Variants in DSTYK observed in about 807,000 individuals in gnomAD.
DSTYK encodes RIP-homologous kinase.
A neutral mutation model predicts 98.7 loss-of-function variants in DSTYK; 34 were observed. The observed-to-expected ratio is 0.34, with a 90% CI of 0.26 to 0.46. DSTYK has a LOEUF of 0.46. Ranked by LOEUF, DSTYK falls within the 20% of genes least tolerant of loss-of-function variation. The pLI is 1.00. For synonymous variants in DSTYK, 462 were observed against 457.3 expected, an observed-to-expected ratio of 1.01 and a Z score of -0.13; for missense variants, 962 against 1,181.7, an observed-to-expected ratio of 0.81 and a Z score of 2.73.
chr1:205,169,999 G>A lies in DSTYK; in HGVS notation c.655-167C>T, dbSNP rs1481145469. The stretch of plus-strand genomic sequence containing the variant: ...TCCTCGGTTACCAACACTCCCTGGT[G>A]CAGCCTATGAAGGCAGGCACTCATC... On this transcript the variant is annotated intron_variant, in intron 2 of 12. Transcript: ENST00000367162. The surrounding 1 kb of genome is among the most constrained non-coding windows in gnomAD (Gnocchi z 4.0). 2.0e-5 allele frequency among the ~76,000 whole-genome samples: 3 copies of A among 152,162 alleles called. No individual in the cohort carries two copies. The highest frequency in any genetic ancestry group is 4.4e-5 in the Non-Finnish European group (3 of 68,036).
chr1:205,164,010 CTAAA>C, intron 3 of DSTYK, 55 bp from the exon 4 acceptor site: 1 of 1,456,616 alleles, frequency 6.9e-7, no homozygotes, highest in Non-Finnish European at 9.6e-7. Flanking sequence ...GGCAGACACA[CTAAA>C]TAAAGTCATC....
chr1:205,211,464 G>A lies in DSTYK; in HGVS notation c.72C>T (p.Ile24=), dbSNP rs749471977. ...GGCCGAAGCCCCGGCACAGCTCGCG[G>A]ATCATTCCGCCGCCGCCGGGGCCGG... The part of the protein sequence containing the change: ...SGPGPGGGGM[I]RELCRGFGRY... Residue 24 remains isoleucine, a synonymous_variant, in exon 1 of 13, where the codon ATC becomes ATT. Coordinates refer to ENST00000367162, the MANE Select transcript of DSTYK (RefSeq NM_015375.3). The A allele has an allele frequency of 2.5e-6, 4 of 1,592,788 alleles. No homozygotes were observed. The highest frequency in any genetic ancestry group is 3.4e-6 in the Non-Finnish European group (4 of 1,173,336).
chr1:205,149,253 T>C (rs1230932815), intron 11 of DSTYK, among the ~76,000 whole-genome samples: 1 of 152,054 alleles, frequency 6.6e-6, no homozygotes, highest in African/African-American at 2.4e-5. Flanking sequence ...GATGACTATC[T>C]ACTTGGTTCA....
At chr1:205,149,599 C>G (rs992902792) in intron 11 of DSTYK, among the ~76,000 whole-genome samples, 1 of 152,196 alleles carries the variant, frequency 6.6e-6, no homozygotes, top group African/African-American at 2.4e-5. Context: ...AGCACTAACA[C>G]CAGCTTAATC....
chr1:205,211,586 C>T lies in DSTYK; in HGVS notation c.-51G>A. 2 of 1,406,068 alleles carry T rather than the reference C, an allele frequency of 1.4e-6. No individual in the cohort carries two copies. The highest frequency in any genetic ancestry group is 1.8e-6 in the Non-Finnish European group (2 of 1,088,068). The allele number at this position is 1,406,068 out of a possible 1,614,324, so 87.1% of individuals were successfully genotyped here. A position where few individuals can be genotyped will look rare whatever the true frequency, so the allele number is the denominator to read the frequency against. ...GCTCGGTCCCCGGCCGCAGGCCCGGCCTCCCTCCTCCCCGCCCCCCAGTGC... is the reference window on the plus strand; with the variant it reads ...GCTCGGTCCCCGGCCGCAGGCCCGGTCTCCCTCCTCCCCGCCCCCCAGTGC... On this transcript the variant is annotated 5_prime_UTR_variant, in exon 1 of 13. Transcript: ENST00000367162.
rs549617235 is a variant in DSTYK at position 205,163,816 on chromosome 1, C to T, written c.1464G>A (p.Arg488=). The T allele has an allele frequency of 7.4e-6, 12 of 1,614,022 alleles. No homozygotes were observed. Among genetic ancestry groups the T allele is most frequent in the Middle Eastern group, 1.6e-4 (1 of 6,084 alleles). Residue 488 remains arginine, a synonymous_variant, in exon 4 of 13, where the codon AGG becomes AGA. Coordinates refer to ENST00000367162, the MANE Select transcript of DSTYK (RefSeq NM_015375.3). Reference sequence around the variant, plus strand: ...GTTCCAGGGTTCCGACGAAGCTTTCCCTCAGGTAATCCACTGAGCTGATCA... The same window carrying T: ...GTTCCAGGGTTCCGACGAAGCTTTCTCTCAGGTAATCCACTGAGCTGATCA... The part of the protein sequence containing the change: ...NKLISSVDYL[R]ESFVGTLERC...
In DSTYK at chr1:205,159,585, T is replaced by C; in HGVS notation, c.2200A>G (p.Met734Val). The C allele has an allele frequency of 1.2e-6, 2 of 1,612,574 alleles. No homozygotes were observed. The change falls in exon 9 of 13, where the codon ATG becomes GTG. Residue 734 changes from methionine (M) to valine (V), a missense_variant. By Grantham distance (21) the Met-to-Val change is conservative (BLOSUM62 1). This residue lies in a region of DSTYK where 660 missense variants were observed against 855.0 expected (regional missense o/e 0.77). Coordinates refer to ENST00000367162, the MANE Select transcript of DSTYK (RefSeq NM_015375.3). ...GGSSIAVLLIMERLHRDLYTG... is the reference protein window; with the variant it reads ...GGSSIAVLLIVERLHRDLYTG... ...TAGAGATCCCGGTGTAGCCGCTCCA[T>C]AATGAGGAGCACAGCAATGCTGGAG...
At chr1:205,164,335 A>G (rs554213744) in intron 3 of DSTYK, among the ~76,000 whole-genome samples, 1 of 152,054 alleles carries the variant, frequency 6.6e-6, no homozygotes, top group East Asian at 1.9e-4. Flanking sequence ...GAACCTAGGA[A>G]GTAGAGGCTA....
At chr1:205,159,509 T>C in intron 9 of DSTYK, 38 bp downstream of exon 9, 1 of 1,588,588 alleles carries the variant, frequency 6.3e-7, no homozygotes, top group Non-Finnish European at 8.6e-7. Flanking sequence ...AAGGAACCCG[T>C]GGATTTGGCT....
chr1:205,173,748 T>G (rs1658141325), intron 2 of DSTYK, among the ~76,000 whole-genome samples: 1 of 151,688 alleles, frequency 6.6e-6, no homozygotes, highest in Non-Finnish European at 1.5e-5. Context: ...AGATGAAGTC[T>G]CGCTCTGTCG....
At chr1:205,167,313 T>C (rs976769000) in intron 3 of DSTYK, among the ~76,000 whole-genome samples, 1 of 152,016 alleles carries the variant, frequency 6.6e-6, no homozygotes. Context: ...GGCAGGAGGA[T>C]TGCTTGAGCC....
intron 3 of DSTYK, among the ~76,000 whole-genome samples, chr1:205,164,567 T>C (rs1657831342): frequency 6.6e-6 from 1 of 151,458 alleles, no homozygotes; most frequent in Admixed American, 6.6e-5. Context: ...GTTCAAGCCA[T>C]TCTCCTGCCT....
intron 1 of DSTYK, chr1:205,202,361 T>C (rs1296015087): frequency 6.9e-6 from 5 of 723,228 alleles, no homozygotes; most frequent in African/African-American, 3.5e-5. Flanking sequence ...AGAAACAGCA[T>C]GTACCATTCC....
chr1:205,158,715 C>T (rs1019049264), intron 9 of DSTYK, among the ~76,000 whole-genome samples: 5 of 152,186 alleles, frequency 3.3e-5, no homozygotes, highest in African/African-American at 1.2e-4. Context: ...CTTGCTATGG[C>T]CTCTTCCTTC....
intron 1 of DSTYK, among the ~76,000 whole-genome samples, chr1:205,199,681 C>G (rs1387170181): frequency 6.6e-6 from 1 of 152,120 alleles, no homozygotes; most frequent in Non-Finnish European, 1.5e-5. Context: ...AAAACTGCAC[C>G]CCCACGTGGA....
intron 1 of DSTYK, among the ~76,000 whole-genome samples, chr1:205,194,899 C>A (rs959696603): frequency 7.2e-5 from 11 of 152,008 alleles, no homozygotes; most frequent in African/African-American, 2.7e-4. Context: ...GTGGCATGAT[C>A]TTGGGTCAGG....
At chr1:205,152,456 C>T (rs113864273) in intron 10 of DSTYK, among the ~76,000 whole-genome samples, 1,863 of 152,318 alleles carry the variant, frequency 0.012, 39 homozygotes, top group African/African-American at 0.043. Flanking sequence ...GGATTACAGG[C>T]GTAAGCCACT....
intron 2 of DSTYK, among the ~76,000 whole-genome samples, chr1:205,171,814 C>CT (rs749650120): frequency 1.5e-4 from 23 of 152,292 alleles, no homozygotes; most frequent in Non-Finnish European, 3.2e-4. Context: ...TAAAAGAACT[C>CT]AACACAAATA....
At position 205,176,316 on chromosome 1, in the gene DSTYK, GA is replaced by G. The variant is rs568316380; in HGVS notation, c.655-6485del. ...AACATGGAGAAACCCCATCTCTGCTGAAAACACAAAATTAGCCGGGGTGGTG... is the reference window on the plus strand; with the variant it reads ...AACATGGAGAAACCCCATCTCTGCTGAAACACAAAATTAGCCGGGGTGGTG... On this transcript the variant is annotated intron_variant, in intron 2 of 12. Transcript: ENST00000367162. Among the ~76,000 whole-genome samples, 257 of 151,888 alleles carry G rather than the reference GA, an allele frequency of 1.7e-3. 2 individuals are homozygous for G. The Middle Eastern group carries it at 0.034, about 20-fold the overall frequency.
Sources: gnomAD v4.1 joint callset for allele counts (sites outside exome capture counted in the v4.1 genomes callset) on GRCh38, gnomAD v4.1.1 for gene constraint, gnomAD v4.1.1 regional missense constraint, Gnocchi (gnomAD v3.1) non-coding constraint, MANE v1.5 for transcripts, NCBI Gene and HGNC (gene_info 2026-07-23, HGNC 2026-07-21) for gene names.